Variants in DTNB observed in about 807,000 individuals in gnomAD.
The protein encoded by DTNB is DTN-B.
A neutral mutation model predicts 90.7 loss-of-function variants in DTNB; 63 were observed. That is an observed-to-expected ratio of 0.69 (90% confidence interval 0.57 to 0.86). The LOEUF (loss-of-function observed/expected upper bound fraction) is 0.86. Among genes scored for constraint, DTNB ranks in the 40% least tolerant of loss-of-function variants. The pLI, the probability that DTNB is intolerant of heterozygous loss-of-function variation, is 0.00. For missense variants in DTNB, 744 were observed against 807.1 expected (o/e 0.92, Z 0.95); for synonymous variants, 277 against 286.7 (o/e 0.97, Z 0.34).
chr2:25,655,259 G>C (rs535214893), intron 1 of DTNB, among the ~76,000 whole-genome samples: 1 of 152,180 alleles, frequency 6.6e-6, no homozygotes, highest in Admixed American at 6.5e-5. Flanking sequence ...TACTACAAGA[G>C]GGCGGTCTCC....
intron 6 of DTNB, among the ~76,000 whole-genome samples, chr2:25,592,953 A>G (rs919610996): frequency 6.6e-6 from 1 of 152,210 alleles, no homozygotes; most frequent in Non-Finnish European, 1.5e-5. Context: ...AGACGAGCAT[A>G]CAACTTCCAA....
intron 9 of DTNB, among the ~76,000 whole-genome samples, chr2:25,498,847 C>CAAAAAA (rs34017287): frequency 1.2e-4 from 8 of 65,024 alleles, no homozygotes; most frequent in African/African-American, 1.8e-4. Flanking sequence ...AACCCTGTCT[C>CAAAAAA]AAAAAAAAAA....
chr2:25,399,830 A>G (rs2043284957), intron 16 of DTNB, among the ~76,000 whole-genome samples: 1 of 63,092 alleles, frequency 1.6e-5, no homozygotes, highest in African/African-American at 1.4e-4. Flanking sequence ...CTGGGATAAA[A>G]ACTGTATTTT....
At chr2:25,537,853 T>C (rs2150988061) in intron 8 of DTNB, among the ~76,000 whole-genome samples, 1 of 152,258 alleles carries the variant, frequency 6.6e-6, no homozygotes, top group Middle Eastern at 3.4e-3. Context: ...ACACTACAGG[T>C]GCGGGACCCA....
intron 16 of DTNB, chr2:25,399,525 G>A (rs1558352182): frequency 6.6e-6 from 1 of 151,980 alleles, no homozygotes; most frequent in Non-Finnish European, 1.5e-5. Context: ...TGTATTTTTA[G>A]TAGAGATGGA....
intron 8 of DTNB, among the ~76,000 whole-genome samples, chr2:25,558,936 G>A (rs1007489040): frequency 2.6e-5 from 4 of 152,040 alleles, no homozygotes; most frequent in Non-Finnish European, 4.4e-5. Context: ...GTCAGCTGTC[G>A]AATGGGAGAG....
chr2:25,495,890 A>G (rs2068724643), intron 9 of DTNB, among the ~76,000 whole-genome samples: 1 of 152,224 alleles, frequency 6.6e-6, no homozygotes, highest in African/African-American at 2.4e-5. Flanking sequence ...TAATTAACCA[A>G]TTGGTTAATA....
intron 18 of DTNB, among the ~76,000 whole-genome samples, chr2:25,386,675 A>G (rs2039558943): frequency 3.3e-5 from 5 of 152,156 alleles, no homozygotes; most frequent in African/African-American, 1.2e-4. Flanking sequence ...CCACGAGGTA[A>G]AGGTCTTTGG....
intron 9 of DTNB, among the ~76,000 whole-genome samples, chr2:25,496,847 A>G (rs1222633599): frequency 6.6e-6 from 1 of 151,910 alleles, no homozygotes; most frequent in African/African-American, 2.4e-5. Context: ...TGTTTCAAAA[A>G]AAAAAAAAAA....
chr2:25,450,554 T>C lies in DTNB; in HGVS notation c.1257+994A>G, dbSNP rs375245810. Among the ~76,000 whole-genome samples, 46 of 152,330 alleles carry C rather than the reference T, an allele frequency of 3.0e-4. 4 individuals carry two copies. The South Asian group carries it at 4.6e-3, about 15-fold the overall frequency. ...TAGGTCCTTTGGTTCTCCAAATACA[T>C]TTTAAAAACAGTTTGCTAATTTCTA... On this transcript the variant is annotated intron_variant, in intron 12 of 20. Transcript: ENST00000406818.
At chr2:25,521,490 C>T (rs1402041867) in intron 9 of DTNB, among the ~76,000 whole-genome samples, 3 of 151,640 alleles carry the variant, frequency 2.0e-5, no homozygotes, top group African/African-American at 7.3e-5. Context: ...CTCAAGCAAT[C>T]CTCGTGCCTC....
intron 8 of DTNB, 104 bp downstream of exon 8, chr2:25,576,734 T>C (rs2060736403): frequency 7.4e-7 from 1 of 1,350,090 alleles, no homozygotes; most frequent in African/African-American, 1.5e-5. Context: ...TTTTACTATA[T>C]CACACCCTTA....
At chr2:25,536,625 C>T (rs1298592289) in intron 8 of DTNB, among the ~76,000 whole-genome samples, 1 of 152,086 alleles carries the variant, frequency 6.6e-6, no homozygotes, top group Non-Finnish European at 1.5e-5. Flanking sequence ...TCACCGGAGC[C>T]CGAGGCAGGG....
At chr2:25,531,704 T>C in intron 8 of DTNB, 107 bp from the exon 9 acceptor site, 1 of 1,424,990 alleles carries the variant, frequency 7.0e-7, no homozygotes, top group Admixed American at 2.8e-5. Flanking sequence ...TCTTTTCAAA[T>C]ACAAATCAAG....
Position 25,561,118 on chromosome 2 carries a change from C to T in DTNB, c.876+15720G>A, listed in dbSNP as rs79032802. On this transcript the variant is annotated intron_variant, in intron 8 of 20. Coordinates refer to ENST00000406818, the MANE Select transcript of DTNB (RefSeq NM_021907.5). ...TAGTAGTCTGCCTAGAAAAATACTT[C>T]AACCCACTGAACCTATACTACATTG... Among the ~76,000 whole-genome samples the T allele has an allele frequency of 2.0e-3, 300 of 152,288 alleles. 1 individual carries two copies. Among genetic ancestry groups the T allele is most frequent in the African/African-American group, 7.0e-3 (291 of 41,568 alleles).
chr2:25,657,635 C>A (rs140419122), intron 1 of DTNB, among the ~76,000 whole-genome samples: 1 of 152,038 alleles, frequency 6.6e-6, no homozygotes, highest in Non-Finnish European at 1.5e-5. Context: ...TGGGAAGGAT[C>A]GCTTGTGCCC....
At chr2:25,475,642 A>G (rs1028578311) in intron 10 of DTNB, among the ~76,000 whole-genome samples, 1 of 152,236 alleles carries the variant, frequency 6.6e-6, no homozygotes, top group Admixed American at 6.5e-5. Context: ...GATGCCATCT[A>G]GGGCTTTCAT....
At chr2:25,514,305 G>A (rs2150722272) in intron 9 of DTNB, among the ~76,000 whole-genome samples, 1 of 152,294 alleles carries the variant, frequency 6.6e-6, no homozygotes, top group Non-Finnish European at 1.5e-5. Flanking sequence ...GCCCTGAGGT[G>A]GACGCACACT....
At chr2:25,580,558 A>T (rs1345557363) in intron 7 of DTNB, among the ~76,000 whole-genome samples, 163 bp downstream of exon 7, 10 of 148,276 alleles carry the variant, frequency 6.7e-5, no homozygotes, top group East Asian at 1.9e-4. Flanking sequence ...TCCCTTTTTT[A>T]AAAAAAAATT....
Sources: allele counts gnomAD v4.1 joint callset (sites outside exome capture counted in the v4.1 genomes callset), GRCh38; gene constraint gnomAD v4.1.1; transcripts MANE v1.5; gene names NCBI Gene and HGNC (gene_info 2026-07-23, HGNC 2026-07-21).